MYRFL: variants seen among roughly 807,000 people sequenced by gnomAD.
MYRFL encodes myelin regulatory factor-like protein.
In MYRFL, 88 loss-of-function variants were observed where a neutral mutation model predicts 109.4. The ratio of observed to expected loss-of-function variants is 0.80; its 90% CI spans 0.68 to 0.96. The LOEUF (loss-of-function observed/expected upper bound fraction) is 0.96. MYRFL is among the 40% of genes least tolerant of loss of function. MYRFL has a pLI of 0.00. For synonymous variants in MYRFL, 324 were observed against 320.9 expected (o/e 1.01, Z -0.10); for missense variants, 957 against 954.9 (o/e 1.00, Z -0.03).
chr12:69,880,562 T>A (rs1391214229), intron 5 of MYRFL, among the ~76,000 whole-genome samples: 1 of 152,216 alleles, frequency 6.6e-6, no homozygotes, highest in East Asian at 1.9e-4. Flanking sequence ...CTCAGAGGAT[T>A]CAGGCTCCAG....
At chr12:69,934,270 G>A (rs866098991) in intron 16 of MYRFL, among the ~76,000 whole-genome samples, 28 of 152,186 alleles carry the variant, frequency 1.8e-4, no homozygotes, top group Middle Eastern at 3.2e-3. Flanking sequence ...GGGTTTGGTC[G>A]GCCACTCCAG....
At chr12:69,832,831 C>T (rs746381315) in intron 1 of MYRFL, among the ~76,000 whole-genome samples, 4 of 151,500 alleles carry the variant, frequency 2.6e-5, no homozygotes, top group South Asian at 2.1e-4. Flanking sequence ...ATGGGTGGGA[C>T]GTGGGTGTGA....
At chr12:69,952,733 T>C (rs989880962) in intron 20 of MYRFL, 66 bp from the exon 21 acceptor site, 4 of 1,142,062 alleles carry the variant, frequency 3.5e-6, no homozygotes, top group Non-Finnish European at 2.4e-6. Context: ...GGACTGTGGC[T>C]GGAATACAAT....
At chr12:69,844,241 G>C (rs1883401501) in intron 1 of MYRFL, among the ~76,000 whole-genome samples, 1 of 152,186 alleles carries the variant, frequency 6.6e-6, no homozygotes, top group Non-Finnish European at 1.5e-5. Context: ...GTTTGGGCAA[G>C]CCACATCAGG....
At chr12:69,853,235 A>G (rs1884006849) in intron 1 of MYRFL, among the ~76,000 whole-genome samples, 1 of 148,958 alleles carries the variant, frequency 6.7e-6, no homozygotes, top group South Asian at 2.1e-4. Flanking sequence ...TCCCTCCCGG[A>G]CGGGGCGGCT....
At chr12:69,851,841 T>C (rs1883893707) in intron 1 of MYRFL, among the ~76,000 whole-genome samples, 1 of 152,106 alleles carries the variant, frequency 6.6e-6, no homozygotes, top group Non-Finnish European at 1.5e-5. Flanking sequence ...GGGGAGTTTT[T>C]TGTAGACATG....
chr12:69,908,656 G>A (rs1566017073), intron 11 of MYRFL, among the ~76,000 whole-genome samples: 1 of 152,130 alleles, frequency 6.6e-6, no homozygotes, highest in African/African-American at 2.4e-5. Context: ...TTCCATCATT[G>A]TACTATGTTT....
intron 16 of MYRFL, among the ~76,000 whole-genome samples, chr12:69,934,141 A>T (rs1159409331): frequency 6.6e-6 from 1 of 152,194 alleles, no homozygotes; most frequent in Non-Finnish European, 1.5e-5. Context: ...GAGAACAAAG[A>T]AGGGGAGACT....
At chr12:69,954,206 G>A (rs533868392) in intron 21 of MYRFL, among the ~76,000 whole-genome samples, 1 of 150,208 alleles carries the variant, frequency 6.7e-6, no homozygotes, top group South Asian at 2.1e-4. Context: ...GAACTTCTTT[G>A]ACAAGATGTT....
chr12:69,922,880 C>T (rs1954955678), intron 13 of MYRFL, among the ~76,000 whole-genome samples: 2 of 152,144 alleles, frequency 1.3e-5, no homozygotes, highest in South Asian at 4.1e-4. Context: ...TGTTGGAAAA[C>T]AGTGATACTC....
chr12:69,875,164 T>A (rs1389693964), intron 2 of MYRFL, among the ~76,000 whole-genome samples: 2 of 151,052 alleles, frequency 1.3e-5, no homozygotes, highest in African/African-American at 4.8e-5. Flanking sequence ...TGCAGGTTCA[T>A]AAATCTCTTT....
intron 13 of MYRFL, among the ~76,000 whole-genome samples, chr12:69,914,264 TC>T (rs1292046969): frequency 1.3e-5 from 2 of 152,050 alleles, no homozygotes; most frequent in African/African-American, 4.8e-5. Context: ...TATTTAGAGG[TC>T]CTTTTTTTGA....
chr12:69,883,003 G>T (rs1886226289), intron 5 of MYRFL, among the ~76,000 whole-genome samples: 1 of 152,318 alleles, frequency 6.6e-6, no homozygotes, highest in East Asian at 1.9e-4. Flanking sequence ...ACTTTTTAAA[G>T]TAAGTTATGC....
intron 1 of MYRFL, among the ~76,000 whole-genome samples, chr12:69,851,105 A>G (rs1269702807): frequency 6.6e-6 from 1 of 152,246 alleles, no homozygotes; most frequent in Non-Finnish European, 1.5e-5. Flanking sequence ...TAACCATAAG[A>G]TAATAGGAGG....
chr12:69,907,511 A>T (rs891872822), intron 11 of MYRFL, among the ~76,000 whole-genome samples: 1 of 152,064 alleles, frequency 6.6e-6, no homozygotes, highest in African/African-American at 2.4e-5. Context: ...AAAGGGGAAA[A>T]TAGGGATTGG....
At chr12:69,939,181 G>A (rs1955561830) in intron 19 of MYRFL, among the ~76,000 whole-genome samples, 1 of 152,238 alleles carries the variant, frequency 6.6e-6, no homozygotes, top group South Asian at 2.1e-4. Context: ...GAACTGGGTG[G>A]AGCCCACCAC....
intron 19 of MYRFL, among the ~76,000 whole-genome samples, chr12:69,948,721 T>C (rs1225352567): frequency 2.0e-5 from 3 of 152,218 alleles, no homozygotes; most frequent in African/African-American, 7.2e-5. Flanking sequence ...AAATAAATAT[T>C]CAATTTTCTA....
At chr12:69,896,200 C>T (rs11177941) in intron 9 of MYRFL, among the ~76,000 whole-genome samples, 48,358 of 151,982 alleles carry the variant, frequency 0.32, 7,988 homozygotes, top group African/African-American at 0.37. Flanking sequence ...TCCTGTCCTA[C>T]AAAATAGAGA....
At position 69,862,785 on chromosome 12, in the gene MYRFL, C is replaced by T. The variant is rs1330563132; in HGVS notation, c.137+7415C>T. On this transcript the variant is annotated intron_variant, in intron 2 of 24. Coordinates refer to ENST00000552032, the MANE Select transcript of MYRFL (RefSeq NM_182530.3). The stretch of plus-strand genomic sequence containing the variant: ...GCCCTGGCCAGAACTTCCAACACTA[C>T]GTTGAATAGGAGTGGTGAGAGAGGG... Among the ~76,000 whole-genome samples, 117 of 152,220 alleles carry T rather than the reference C, an allele frequency of 7.7e-4. 1 individual carries two copies. Among genetic ancestry groups the T allele is most frequent in the African/African-American group, 2.5e-3 (104 of 41,508 alleles).
Sources: gnomAD v4.1 joint callset for allele counts (sites outside exome capture counted in the v4.1 genomes callset) on GRCh38, gnomAD v4.1.1 for gene constraint, MANE v1.5 for transcripts, NCBI Gene and HGNC (gene_info 2026-07-23, HGNC 2026-07-21) for gene names.